The following CTNND2 variants were observed in gnomAD, a reference collection of about 807,000 sequenced individuals.
CTNND2 encodes the protein catenin delta-2.
In CTNND2, 22 loss-of-function variants were observed where a neutral mutation model predicts 144.4. That is an observed-to-expected ratio of 0.15 (90% CI 0.11 to 0.22). CTNND2 has a LOEUF of 0.22. CTNND2 is among the 10% of genes least tolerant of loss of function. The probability of loss-of-function intolerance (pLI) is 1.00; values close to 1 mark genes in which losing one functional copy is unlikely to be tolerated. For synonymous variants in CTNND2, 751 were observed against 695.6 expected, an observed-to-expected ratio of 1.08 and a Z score of -1.25; for missense variants, 1,353 against 1,618.8, an observed-to-expected ratio of 0.84 and a Z score of 2.82.
chr5:11,714,632 C>T (rs73743031), intron 2 of CTNND2, among the ~76,000 whole-genome samples: 2,791 of 152,042 alleles, frequency 0.018, 87 homozygotes, highest in African/African-American at 0.061. Flanking sequence ...GGGGGCCTGG[C>T]GCAGTGGTTC....
At chr5:11,353,622 G>A (rs975188179) in intron 8 of CTNND2, among the ~76,000 whole-genome samples, 16 of 152,062 alleles carry the variant, frequency 1.1e-4, no homozygotes, top group African/African-American at 3.6e-4. Context: ...GGGCAACATG[G>A]AGAAACCCCG....
chr5:11,699,975 T>G (rs2126668527), intron 2 of CTNND2, among the ~76,000 whole-genome samples: 1 of 152,346 alleles, frequency 6.6e-6, no homozygotes, highest in African/African-American at 2.4e-5. Flanking sequence ...GACTGAACAT[T>G]AGGCTTAGTT....
chr5:11,271,053 T>C (rs985852057), intron 9 of CTNND2, among the ~76,000 whole-genome samples: 5 of 152,216 alleles, frequency 3.3e-5, no homozygotes, highest in Non-Finnish European at 7.3e-5. Context: ...CAATATAAAA[T>C]AATTACATGT....
At chr5:11,531,117 G>C (rs1222395344) in intron 3 of CTNND2, among the ~76,000 whole-genome samples, 1 of 152,188 alleles carries the variant, frequency 6.6e-6, no homozygotes, top group Non-Finnish European at 1.5e-5. Flanking sequence ...TGATCATTCT[G>C]AATTTACAAA....
chr5:11,777,367 C>A (rs898672559), intron 1 of CTNND2, among the ~76,000 whole-genome samples: 3 of 152,238 alleles, frequency 2.0e-5, no homozygotes, highest in African/African-American at 7.2e-5. Flanking sequence ...TAAAACACTT[C>A]TTCAGTCATA....
intron 1 of CTNND2, among the ~76,000 whole-genome samples, chr5:11,899,675 G>A (rs1174726460): frequency 6.6e-6 from 1 of 152,094 alleles, no homozygotes; most frequent in East Asian, 1.9e-4. Flanking sequence ...GATTTCTTGT[G>A]TTCACATAAA....
chr5:11,598,930 G>T (rs931075297), intron 2 of CTNND2, among the ~76,000 whole-genome samples: 1 of 152,140 alleles, frequency 6.6e-6, no homozygotes, highest in Non-Finnish European at 1.5e-5. Flanking sequence ...CATGGCTGGG[G>T]AGCCTCAGGA....
chr5:11,283,412 A>G (rs772504425), intron 9 of CTNND2, among the ~76,000 whole-genome samples: 1 of 152,126 alleles, frequency 6.6e-6, no homozygotes, highest in South Asian at 2.1e-4. Flanking sequence ...GCAGTGGCTC[A>G]CACCTGTAAT....
intron 9 of CTNND2, among the ~76,000 whole-genome samples, chr5:11,271,994 G>C (rs1023163291): frequency 6.6e-6 from 1 of 151,470 alleles, no homozygotes; most frequent in Non-Finnish European, 1.5e-5. Context: ...AGCTGTTTTG[G>C]GAATAATACA....
intron 1 of CTNND2, among the ~76,000 whole-genome samples, chr5:11,821,927 A>G (rs975449403): frequency 1.3e-5 from 2 of 152,196 alleles, no homozygotes; most frequent in Non-Finnish European, 2.9e-5. Context: ...CCCCCAAATA[A>G]GTAAACTACA....
intron 3 of CTNND2, among the ~76,000 whole-genome samples, chr5:11,520,075 A>C (rs1469098726): frequency 1.3e-5 from 2 of 150,248 alleles, no homozygotes; most frequent in Admixed American, 6.6e-5. Context: ...CGAACCCAGG[A>C]GGAAGAGGTT....
intron 14 of CTNND2, among the ~76,000 whole-genome samples, chr5:11,103,201 T>C (rs1359409874): frequency 1.3e-5 from 2 of 151,628 alleles, no homozygotes; most frequent in African/African-American, 4.8e-5. Context: ...TGGCTGGTCT[T>C]GAACTCCTGA....
rs1488686752 is a variant in CTNND2, at chr5:11,129,221, TATAAA to T, written c.2160-11659_2160-11655del. On this transcript the variant is annotated intron_variant, in intron 12 of 21. Transcript: ENST00000304623. ...ATATATTATATATTTATATATTATA[TATAAA>T]TATATATTATATATTATATATTATA... Among the ~76,000 whole-genome samples the T allele has an allele frequency of 3.0e-4, 10 of 33,782 alleles. No homozygotes were observed. In the East Asian group the frequency reaches 0.012, roughly 41 times the overall value. The allele number at this position is 33,782 out of a possible 152,430, so 22.2% of individuals were successfully genotyped here.
chr5:11,702,278 C>T (rs1417373234), intron 2 of CTNND2, among the ~76,000 whole-genome samples: 1 of 152,188 alleles, frequency 6.6e-6, no homozygotes, highest in Non-Finnish European at 1.5e-5. Flanking sequence ...ACAGCTGATA[C>T]AGCTGTCAAG....
At chr5:11,036,197 G>C (rs1269700032) in intron 16 of CTNND2, among the ~76,000 whole-genome samples, 2 of 151,934 alleles carry the variant, frequency 1.3e-5, no homozygotes, top group Admixed American at 6.6e-5. Context: ...GGAAATGCTA[G>C]AGTTCAATCT....
At chr5:11,036,426 A>C (rs1180759745) in intron 16 of CTNND2, among the ~76,000 whole-genome samples, 1 of 151,140 alleles carries the variant, frequency 6.6e-6, no homozygotes, top group Non-Finnish European at 1.5e-5. Context: ...AACTAATACA[A>C]CTTTTTTTTT....
At chr5:11,227,173 G>C (rs1296633988) in intron 10 of CTNND2, among the ~76,000 whole-genome samples, 6 of 152,204 alleles carry the variant, frequency 3.9e-5, no homozygotes, top group Non-Finnish European at 8.8e-5. Flanking sequence ...ACATTTAACT[G>C]TTGGAAAGAG....
At chr5:11,322,066 A>G (rs1017782563) in intron 9 of CTNND2, among the ~76,000 whole-genome samples, 1 of 151,858 alleles carries the variant, frequency 6.6e-6, no homozygotes, top group Non-Finnish European at 1.5e-5. Context: ...CACGACTGCA[A>G]CTCCCATGAT....
intron 15 of CTNND2, among the ~76,000 whole-genome samples, chr5:11,095,292 A>G (rs1751224184): frequency 6.6e-6 from 1 of 152,228 alleles, no homozygotes; most frequent in Non-Finnish European, 1.5e-5. Flanking sequence ...CCTGCAAAAC[A>G]TTGTTCAGTC....
Sources: allele counts gnomAD v4.1 joint callset (sites outside exome capture counted in the v4.1 genomes callset), GRCh38; gene constraint gnomAD v4.1.1; transcripts MANE v1.5; gene names NCBI Gene and HGNC (gene_info 2026-07-23, HGNC 2026-07-21).